Variants in TENM3 observed in about 807,000 individuals in gnomAD.
TENM3 encodes the protein teneurin-3.
TENM3 carries 63 observed loss-of-function variants against 255.1 expected under a neutral mutation model. That is an observed-to-expected ratio of 0.25 (90% CI 0.20 to 0.30). The LOEUF is 0.30. Among genes scored for constraint, TENM3 ranks in the 10% least tolerant of loss-of-function variants. The pLI is 1.00. For missense variants in TENM3, 2,929 were observed against 3,461.1 expected (o/e 0.85, Z 3.86); for synonymous variants, 1,306 against 1,322.3 (o/e 0.99, Z 0.27).
At chr4:181,844,528 A>C in the TENM3 span, among the ~76,000 whole-genome samples, 1,365 of 151,644 alleles carry the variant, frequency 9.0e-3, 24 homozygotes, top group African/African-American at 0.029. Flanking sequence ...ATTAGCCGGG[A>C]GTGGTGGCGG....
At chr4:182,236,716 T>C (rs748830611) in intron 1 of TENM3, among the ~76,000 whole-genome samples, 4 of 152,212 alleles carry the variant, frequency 2.6e-5, no homozygotes, top group Non-Finnish European at 5.9e-5. Flanking sequence ...AGAGTGTGAA[T>C]CTGTGAACAA....
the TENM3 span, among the ~76,000 whole-genome samples, chr4:182,089,436 T>C: frequency 6.6e-6 from 1 of 152,168 alleles, no homozygotes; most frequent in Non-Finnish European, 1.5e-5. Flanking sequence ...CCTAAATCTT[T>C]ACAGCTGCAA....
chr4:182,041,781 G>C, the TENM3 span, among the ~76,000 whole-genome samples: 1 of 152,142 alleles, frequency 6.6e-6, no homozygotes, highest in Non-Finnish European at 1.5e-5. Flanking sequence ...AGTCTTAGAG[G>C]CTTCTTCAAA....
At chr4:182,769,844 CCTG>C (rs1296056119) in intron 22 of TENM3, among the ~76,000 whole-genome samples, 2 of 152,012 alleles carry the variant, frequency 1.3e-5, no homozygotes, top group Non-Finnish European at 2.9e-5. Flanking sequence ...GTGGCTCACT[CCTG>C]TAATCTCAAC....
chr4:181,700,316 CATTT>C, the TENM3 span, among the ~76,000 whole-genome samples: 7 of 151,136 alleles, frequency 4.6e-5, no homozygotes, highest in African/African-American at 1.2e-4. Flanking sequence ...CTCAGGAATA[CATTT>C]ATTTCTTGAT....
At chr4:182,656,438 C>T (rs931847985) in intron 6 of TENM3, among the ~76,000 whole-genome samples, 1 of 152,136 alleles carries the variant, frequency 6.6e-6, no homozygotes, top group Non-Finnish European at 1.5e-5. Flanking sequence ...AGACCTGGGG[C>T]ACAGGGAGTG....
At chr4:182,291,630 T>C (rs1761132826) in intron 1 of TENM3, among the ~76,000 whole-genome samples, 1 of 152,130 alleles carries the variant, frequency 6.6e-6, no homozygotes, top group Admixed American at 6.5e-5. Flanking sequence ...TTATGTGATG[T>C]GCTTCAGGTC....
chr4:181,847,680 A>G, the TENM3 span, among the ~76,000 whole-genome samples: 2 of 151,932 alleles, frequency 1.3e-5, no homozygotes, highest in Admixed American at 6.6e-5. Context: ...TGTGCTTTGT[A>G]TAAATATGTA....
At chr4:182,733,955 A>G (rs749186341) in intron 16 of TENM3, among the ~76,000 whole-genome samples, 1 of 152,218 alleles carries the variant, frequency 6.6e-6, no homozygotes, top group South Asian at 2.1e-4. Flanking sequence ...CCATGAATAC[A>G]TGGAGTCTTT....
At chr4:181,806,609 C>T in the TENM3 span, among the ~76,000 whole-genome samples, 153 of 152,340 alleles carry the variant, frequency 1.0e-3, no homozygotes, top group African/African-American at 3.5e-3. Context: ...TCCTCCCCTT[C>T]GGGGCACACA....
chr4:182,004,185 C>T, the TENM3 span, among the ~76,000 whole-genome samples: 2 of 151,988 alleles, frequency 1.3e-5, no homozygotes, highest in Admixed American at 6.6e-5. Context: ...GTTTGCTGCA[C>T]CTATTGACAC....
At chr4:182,238,307 G>A (rs967050912) in intron 1 of TENM3, among the ~76,000 whole-genome samples, 1 of 152,194 alleles carries the variant, frequency 6.6e-6, no homozygotes, top group Non-Finnish European at 1.5e-5. Flanking sequence ...AGAGCTTTAA[G>A]AACTAAAACA....
At position 182,789,888 on chromosome 4, in the gene TENM3, G is replaced by A. The variant is rs776724427; in HGVS notation, c.5601+499G>A. Reference sequence around the variant, plus strand: ...TTTTCTTAGAAAGCCACACTTTCGGGTACTCTGTGGCATCTTTCCTTTCTT... The same window carrying A: ...TTTTCTTAGAAAGCCACACTTTCGGATACTCTGTGGCATCTTTCCTTTCTT... On this transcript the variant is annotated intron_variant, in intron 25 of 27. Transcript: ENST00000511685. The surrounding 1 kb of genome is among the most constrained non-coding windows in gnomAD (Gnocchi z 4.4). Among the ~76,000 whole-genome samples the A allele has an allele frequency of 6.6e-6, 1 of 152,140 alleles. No individual in the cohort carries two copies. Among genetic ancestry groups the A allele is most frequent in the African/African-American group, 2.4e-5 (1 of 41,408 alleles).
At chr4:182,695,013 T>C (rs182802054) in intron 12 of TENM3, among the ~76,000 whole-genome samples, 4 of 152,368 alleles carry the variant, frequency 2.6e-5, no homozygotes, top group Admixed American at 2.0e-4. Context: ...GCAACTTTTG[T>C]AGTGTTTCCC....
At chr4:181,812,202 T>A in the TENM3 span, among the ~76,000 whole-genome samples, 3 of 152,236 alleles carry the variant, frequency 2.0e-5, no homozygotes, top group African/African-American at 7.2e-5. Flanking sequence ...TGAGATATCA[T>A]AATAACTGTA....
Position 182,295,261 on chromosome 4 carries a change from C to CTTTTTTTT in TENM3, c.-75-28668_-75-28661dup, listed in dbSNP as rs752005972. ...CAAGTGGTATATGTGCTTTGCTTTT[C>CTTTTTTTT]TTTTTTTTTTTTTTTTTTTTTTTTG... On this transcript the variant is annotated intron_variant, in intron 1 of 27. Transcript: ENST00000511685. Among the ~76,000 whole-genome samples the CTTTTTTTT allele has an allele frequency of 3.8e-4, 27 of 70,442 alleles. 1 individual carries two copies. Among genetic ancestry groups the CTTTTTTTT allele is most frequent in the African/African-American group, 1.5e-3 (22 of 14,746 alleles). 46.2% of individuals were successfully genotyped at this position (70,442 alleles called of 152,430 possible). A position where few individuals can be genotyped will look rare whatever the true frequency, so the allele number is the denominator to read the frequency against.
the TENM3 span, among the ~76,000 whole-genome samples, chr4:181,987,442 T>C: frequency 1.3e-5 from 2 of 152,136 alleles, no homozygotes; most frequent in Admixed American, 6.6e-5. Flanking sequence ...TTGATACAGA[T>C]TCAAAGGAAT....
intron 7 of TENM3, among the ~76,000 whole-genome samples, chr4:182,677,275 C>T (rs999546419): frequency 8.5e-5 from 13 of 152,292 alleles, no homozygotes; most frequent in Middle Eastern, 3.4e-3. Context: ...TCCCCACCAT[C>T]ATGCCCACTA....
At chr4:182,255,927 T>C (rs949764639) in intron 1 of TENM3, among the ~76,000 whole-genome samples, 3 of 152,218 alleles carry the variant, frequency 2.0e-5, no homozygotes, top group Non-Finnish European at 4.4e-5. Context: ...CCTTAAATCC[T>C]TCATGCATTC....
Sources: allele counts gnomAD v4.1 joint callset (sites outside exome capture counted in the v4.1 genomes callset), GRCh38; gene constraint gnomAD v4.1.1; non-coding constraint Gnocchi (gnomAD v3.1); transcripts MANE v1.5; gene names NCBI Gene and HGNC (gene_info 2026-07-23, HGNC 2026-07-21).